Variants in ATP2C2 observed in about 807,000 individuals in gnomAD.
ATP2C2 encodes the protein ATPase secretory pathway Ca2+ transporting 2.
A neutral mutation model predicts 110.8 loss-of-function variants in ATP2C2; 171 were observed. That is an observed-to-expected ratio of 1.54 (90% CI 1.36 to 1.75). ATP2C2 has a LOEUF of 1.75. Among genes scored for constraint, ATP2C2 ranks in the 40% most tolerant of loss-of-function variants. The pLI, the probability that ATP2C2 is intolerant of heterozygous loss-of-function variation, is 0.00. For missense variants in ATP2C2, 1,963 were observed against 1,235.0 expected (o/e 1.59, Z -8.84); for synonymous variants, 804 against 508.4 (o/e 1.58, Z -7.82).
At chr16:84,394,299 C>G (rs1904843061) in intron 1 of ATP2C2, among the ~76,000 whole-genome samples, 1 of 152,082 alleles carries the variant, frequency 6.6e-6, no homozygotes, top group Non-Finnish European at 1.5e-5. Context: ...GTGTGACCAC[C>G]ACTTCTATTC....
chr16:84,385,894 T>G (rs780297631), intron 1 of ATP2C2, among the ~76,000 whole-genome samples: 17 of 152,184 alleles, frequency 1.1e-4, no homozygotes, highest in South Asian at 8.3e-4. Flanking sequence ...CAAATGAGAT[T>G]TGGGTGGGGA....
chr16:84,450,900 T>C (rs1910197583), intron 17 of ATP2C2, among the ~76,000 whole-genome samples: 1 of 152,044 alleles, frequency 6.6e-6, no homozygotes, highest in Non-Finnish European at 1.5e-5. Flanking sequence ...GGGCAAGAAC[T>C]GTTAGAAACG....
At chr16:84,459,902 G>GA in intron 23 of ATP2C2, 5 of 317,038 alleles carry the variant, frequency 1.6e-5, no homozygotes, top group South Asian at 7.1e-5. Context: ...GTGCTCAGGA[G>GA]TCCACCCGCT....
chr16:84,430,097 A>G (rs993290585), intron 11 of ATP2C2, among the ~76,000 whole-genome samples: 3 of 152,204 alleles, frequency 2.0e-5, no homozygotes, highest in East Asian at 1.9e-4. Flanking sequence ...TTATTTGATG[A>G]TGTCTGCAAA....
At chr16:84,403,667 C>T (rs185982763) in intron 2 of ATP2C2, among the ~76,000 whole-genome samples, 1 of 152,168 alleles carries the variant, frequency 6.6e-6, no homozygotes, top group East Asian at 1.9e-4. Context: ...GTTGCACAAC[C>T]ATCGCCATTC....
At chr16:84,453,053 T>C in intron 18 of ATP2C2, 85 bp from the exon 19 acceptor site, 1 of 1,355,676 alleles carries the variant, frequency 7.4e-7, no homozygotes. Context: ...TTATTCTTGG[T>C]GTTCCCCATG....
Position 84,451,811 on chromosome 16 carries a change from C to T in ATP2C2, c.1661-110C>T, listed in dbSNP as rs758313101. ...CAACATTACACCACTGCACTCCAAC[C>T]TGGGCGATAAGAACAAAACTCTCTT... is the stretch of plus-strand genomic sequence containing the variant. On this transcript the variant is annotated intron_variant, in intron 17 of 26. Transcript: ENST00000262429. The T allele has an allele frequency of 2.6e-6, 3 of 1,155,868 alleles. No homozygotes were observed. In the South Asian group the frequency reaches 4.4e-5, roughly 17 times the overall value. 71.6% of individuals were successfully genotyped at this position (1,155,868 alleles called of 1,614,324 possible). A position where few individuals can be genotyped will look rare whatever the true frequency, so the allele number is the denominator to read the frequency against.
intron 1 of ATP2C2, among the ~76,000 whole-genome samples, chr16:84,390,412 G>T (rs1186771805): frequency 1.3e-5 from 2 of 152,210 alleles, no homozygotes; most frequent in Non-Finnish European, 2.9e-5. Flanking sequence ...GCGCTTGTTG[G>T]GTGCAGCTTC....
intron 2 of ATP2C2, among the ~76,000 whole-genome samples, chr16:84,399,898 C>G (rs1193454826): frequency 6.6e-6 from 1 of 152,188 alleles, no homozygotes; most frequent in East Asian, 1.9e-4. Flanking sequence ...CCATAGCCCT[C>G]TCCACTTTCT....
intron 1 of ATP2C2, among the ~76,000 whole-genome samples, chr16:84,391,573 A>G (rs182020278): frequency 2.6e-5 from 4 of 152,348 alleles, no homozygotes; most frequent in African/African-American, 7.2e-5. Flanking sequence ...GAATATAGCC[A>G]TGTGCTGGCA....
Position 84,464,038 on chromosome 16 carries a change from G to A in ATP2C2, c.*306G>A. On this transcript the variant is annotated 3_prime_UTR_variant, in exon 27 of 27. Coordinates refer to ENST00000262429, the MANE Select transcript of ATP2C2 (RefSeq NM_014861.4). ...CTACGTATCTGTGCCACAGCTTGCA[G>A]TGAGGCAGGCCACTCGTGGCAGATA... 1 of 240,164 alleles carries A rather than the reference G, an allele frequency of 4.2e-6. No individual in the cohort carries two copies. The highest frequency in any genetic ancestry group is 8.1e-6 in the Non-Finnish European group (1 of 123,936). The allele number at this position is 240,164 out of a possible 1,614,324, so 14.9% of individuals were successfully genotyped here.
rs78016444 is a variant in ATP2C2, at chr16:84,414,196, C to A, written c.516-1287C>A. Among the ~76,000 whole-genome samples, 726 of 152,258 alleles carry A rather than the reference C, an allele frequency of 4.8e-3. 12 individuals carry two copies. The highest frequency in any genetic ancestry group is 0.016 in the African/African-American group (679 of 41,544). ...GAGGGAGCAACAGGTATATCTCTGG[C>A]AGGTGCTCTTGGCTACAAGGAACAG... On this transcript the variant is annotated intron_variant, in intron 6 of 26. Coordinates refer to ENST00000262429, the MANE Select transcript of ATP2C2 (RefSeq NM_014861.4).
rs80282461 is a variant in ATP2C2 at position 84,396,063 on chromosome 16, T to C, written c.100-2436T>C. 2.3e-3 allele frequency among the ~76,000 whole-genome samples: 355 copies of C among 152,282 alleles called. 1 individual carries two copies. The highest frequency in any genetic ancestry group is 8.1e-3 in the African/African-American group (337 of 41,560). On this transcript the variant is annotated intron_variant, in intron 1 of 26. Transcript: ENST00000262429. Reference sequence around the variant, plus strand: ...GGGACCTCCTGTAACTGGAGTCCTATAGGATTTGTCCTTTCGGGTCTGGCT... The same window carrying C: ...GGGACCTCCTGTAACTGGAGTCCTACAGGATTTGTCCTTTCGGGTCTGGCT...
intron 1 of ATP2C2, among the ~76,000 whole-genome samples, chr16:84,381,744 C>T (rs964454610): frequency 1.3e-5 from 2 of 152,118 alleles, no homozygotes; most frequent in Admixed American, 6.5e-5. Flanking sequence ...GTATTTAACC[C>T]GTTTCCTGCC....
At chr16:84,387,520 C>A (rs966191397) in intron 1 of ATP2C2, among the ~76,000 whole-genome samples, 1 of 151,908 alleles carries the variant, frequency 6.6e-6, no homozygotes, top group Non-Finnish European at 1.5e-5. Context: ...TCAAAAAAAA[C>A]AAGAAAGATC....
chr16:84,438,963 A>G, intron 11 of ATP2C2: 1 of 599,708 alleles, frequency 1.7e-6, no homozygotes, highest in Non-Finnish European at 2.8e-6. Context: ...CCTTCCCAAG[A>G]GCGGGGTCTG....
chr16:84,412,568 GTA>G (rs1204145189), intron 6 of ATP2C2, among the ~76,000 whole-genome samples: 12 of 145,606 alleles, frequency 8.2e-5, no homozygotes, highest in East Asian at 2.0e-4. Flanking sequence ...GTGTGTGTGT[GTA>G]TGTGTGTGTG....
In ATP2C2 at chr16:84,422,671, G is replaced by C. The variant is rs530128320; in HGVS notation, c.817G>C (p.Val273Leu). The change falls in exon 9 of 27, where the codon GTG (valine) becomes CTG (leucine). Residue 273 changes from valine (V) to leucine (L), a missense_variant. Transcript: ENST00000262429. The part of the protein sequence containing the change: ...GTGESSQFGE[V>L]FKMMQAEETP... ...AGGGGAAAGCTCTCAGTTCGGAGAAGTGTTTAAGATGATGCAGGCTGAAGA... is the reference window on the plus strand; with the variant it reads ...AGGGGAAAGCTCTCAGTTCGGAGAACTGTTTAAGATGATGCAGGCTGAAGA... 17 of 1,613,452 alleles carry C rather than the reference G, an allele frequency of 1.1e-5. No individual in the cohort carries two copies. In the South Asian group the frequency reaches 1.4e-4, roughly 14 times the overall value.
At chr16:84,446,283 T>C in intron 15 of ATP2C2, 46 bp from the exon 16 acceptor site, 3 of 1,180,942 alleles carry the variant, frequency 2.5e-6, no homozygotes, top group Non-Finnish European at 3.6e-6. Context: ...TGTATAGAGA[T>C]TGGCTTCGGA....
Sources: allele counts gnomAD v4.1 joint callset (sites outside exome capture counted in the v4.1 genomes callset), GRCh38; gene constraint gnomAD v4.1.1; transcripts MANE v1.5; gene names NCBI Gene and HGNC (gene_info 2026-07-23, HGNC 2026-07-21).